The following KIRREL1 variants were observed in gnomAD, a reference collection of about 807,000 sequenced individuals.
KIRREL1 encodes kin of IRRE-like protein 1.
Under a neutral mutation model 83.3 loss-of-function variants are expected in KIRREL1, and 25 were observed. That is an observed-to-expected ratio of 0.30 (90% CI 0.22 to 0.42). The LOEUF (loss-of-function observed/expected upper bound fraction) is 0.42. KIRREL1 is among the 10% of genes least tolerant of loss of function. The pLI is 1.00. For missense variants in KIRREL1, 812 were observed against 1,032.3 expected (o/e 0.79, Z 2.92); for synonymous variants, 388 against 410.4 (o/e 0.95, Z 0.66).
intron 1 of KIRREL1, among the ~76,000 whole-genome samples, chr1:158,048,697 G>A (rs1660838424): frequency 6.6e-6 from 1 of 152,160 alleles, no homozygotes; most frequent in African/African-American, 2.4e-5. Flanking sequence ...ACAAGTCAGC[G>A]GTTCAAGGCA....
In KIRREL1 at chr1:158,084,500, G is replaced by A. The variant is rs1190528858; in HGVS notation, c.431G>A (p.Arg144Gln). Residue 144 changes from arginine (R) to glutamine (Q), a missense_variant, in exon 4 of 15, where the codon CGG becomes CAG. Around this residue, in one of 3 missense-constraint regions of KIRREL1, gnomAD observed 472 missense variants for 626.8 expected, o/e 0.75. Transcript: ENST00000359209. Reference sequence around the variant, plus strand: ...GGCACCCCCCACAACCTCACATGCCGGGCCTTCAATGCGAAGCCTGCTGCC... The same window carrying A: ...GGCACCCCCCACAACCTCACATGCCAGGCCTTCAATGCGAAGCCTGCTGCC... ...QAGTPHNLTC[R>Q]AFNAKPAATI... 6 of 1,551,638 alleles carry A rather than the reference G, an allele frequency of 3.9e-6. No homozygotes were observed. In the African/African-American group the frequency reaches 4.1e-5, roughly 11 times the overall value.
chr1:158,016,224 A>T (rs1659820813), intron 1 of KIRREL1, among the ~76,000 whole-genome samples: 1 of 152,040 alleles, frequency 6.6e-6, no homozygotes. Context: ...GAATGTTGTG[A>T]ACCCTGTAGG....
intron 2 of KIRREL1, among the ~76,000 whole-genome samples, 193 bp downstream of exon 2, chr1:158,076,455 C>T (rs1342005343): frequency 6.6e-6 from 1 of 152,222 alleles, no homozygotes; most frequent in African/African-American, 2.4e-5. Flanking sequence ...TTTCCTCCCA[C>T]TGAGGACTGA....
At chr1:158,086,784 T>A in intron 5 of KIRREL1, 38 bp downstream of exon 5, 9 of 1,227,186 alleles carry the variant, frequency 7.3e-6, no homozygotes, top group African/African-American at 1.5e-5. Flanking sequence ...AGCAGGGGGG[T>A]GGAAGAAGGG....
intron 8 of KIRREL1, among the ~76,000 whole-genome samples, chr1:158,088,736 G>C (rs1032274840): frequency 6.6e-6 from 1 of 151,838 alleles, no homozygotes; most frequent in Non-Finnish European, 1.5e-5. Context: ...CGCCCGCCTC[G>C]GCCTCCCAAA....
intron 1 of KIRREL1, among the ~76,000 whole-genome samples, chr1:158,001,093 A>AGAATCGACTAGG (rs1412659502): frequency 6.6e-6 from 1 of 152,246 alleles, no homozygotes; most frequent in Non-Finnish European, 1.5e-5. Flanking sequence ...GGTCCGCTTC[A>AGAATCGACTAGG]GAATCGACTA....
chr1:158,099,618 G>A lies in KIRREL1; in HGVS notation c.*4498G>A, dbSNP rs1373543087. 4 of 152,102 alleles carry A rather than the reference G, an allele frequency of 2.6e-5. No individual in the cohort carries two copies. In the East Asian group the frequency reaches 7.7e-4, roughly 29 times the overall value. The allele number at this position is 152,102 out of a possible 1,614,324, so 9.4% of individuals were successfully genotyped here. A position where few individuals can be genotyped will look rare whatever the true frequency, so the allele number is the denominator to read the frequency against. Reference sequence around the variant, plus strand: ...TCACAGGCCATACTGGGCAGTTCTGGTACAAACCTGCCCTTATTAATAATA... The same window carrying A: ...TCACAGGCCATACTGGGCAGTTCTGATACAAACCTGCCCTTATTAATAATA... On this transcript the variant is annotated 3_prime_UTR_variant, in exon 15 of 15. Coordinates refer to ENST00000359209, the MANE Select transcript of KIRREL1 (RefSeq NM_018240.7).
At chr1:158,086,842 T>C (rs1662031655) in intron 5 of KIRREL1, 96 bp downstream of exon 5, 3 of 1,174,428 alleles carry the variant, frequency 2.6e-6, no homozygotes, top group Admixed American at 4.1e-5. Context: ...AAACTAAGAG[T>C]CCCCCTATGG....
intron 1 of KIRREL1, among the ~76,000 whole-genome samples, chr1:158,028,320 A>G (rs1205562812): frequency 2.0e-5 from 3 of 152,228 alleles, no homozygotes; most frequent in Non-Finnish European, 4.4e-5. Context: ...CTGCCCTTGA[A>G]TAAACCCTCC....
intron 1 of KIRREL1, among the ~76,000 whole-genome samples, chr1:158,061,403 G>C (rs780816622): frequency 6.6e-6 from 1 of 152,276 alleles, no homozygotes. Flanking sequence ...CTATTCCTTG[G>C]GGGTGGGCAA....
intron 1 of KIRREL1, among the ~76,000 whole-genome samples, chr1:158,074,203 A>G (rs1661603542): frequency 6.6e-6 from 1 of 152,226 alleles, no homozygotes; most frequent in Admixed American, 6.5e-5. Flanking sequence ...ATGAAAGGTC[A>G]GGTCAGCAGA....
chr1:158,088,855 T>A (rs1274977250), intron 8 of KIRREL1, among the ~76,000 whole-genome samples: 2 of 152,020 alleles, frequency 1.3e-5, no homozygotes, highest in African/African-American at 2.4e-5. Flanking sequence ...GCTGCAGCAT[T>A]ATCTTTGAAC....
Position 158,089,537 on chromosome 1 carries a change from G to T in KIRREL1, c.1080G>T (p.Ser360=). The stretch of plus-strand genomic sequence containing the variant: ...ACAGCAACCAGCTGCTGCTGAAGTC[G>T]GTGACTCAGGCAGACGCTGGCACCT... ...LSNSNQLLLK[S]VTQADAGTYT... is the part of the protein sequence containing the mutation. The change falls in exon 9 of 15, where the codon TCG becomes TCT. Residue 360 remains serine, a synonymous_variant. Transcript: ENST00000359209. 1 of 1,614,166 alleles carries T rather than the reference G, an allele frequency of 6.2e-7. No homozygotes were observed. Among genetic ancestry groups the T allele is most frequent in the Non-Finnish European group, 8.5e-7 (1 of 1,180,024 alleles).
intron 1 of KIRREL1, among the ~76,000 whole-genome samples, chr1:158,008,845 TA>T (rs1418612658): frequency 6.6e-6 from 1 of 152,068 alleles, no homozygotes; most frequent in African/African-American, 2.4e-5. Context: ...TGGTTAGTTG[TA>T]AAGGTCATGT....
chr1:158,097,030 C>G lies in KIRREL1; in HGVS notation c.*1910C>G. The G allele has an allele frequency of 2.2e-6, 1 of 456,900 alleles. No homozygotes were observed. The highest frequency in any genetic ancestry group is 4.4e-6 in the Non-Finnish European group (1 of 227,020). 28.3% of individuals were successfully genotyped at this position (456,900 alleles called of 1,614,324 possible). A position where few individuals can be genotyped will look rare whatever the true frequency, so the allele number is the denominator to read the frequency against. On this transcript the variant is annotated 3_prime_UTR_variant, in exon 15 of 15. Coordinates refer to ENST00000359209, the MANE Select transcript of KIRREL1 (RefSeq NM_018240.7). ...GATAATACCCAGGAAGCAAGTAGCT[C>G]TAATTTTAACTTCACAGGAAGTCTG... is the stretch of plus-strand genomic sequence containing the variant.
chr1:158,083,296 C>T (rs912602802), intron 3 of KIRREL1, among the ~76,000 whole-genome samples: 8 of 152,120 alleles, frequency 5.3e-5, no homozygotes, highest in Non-Finnish European at 8.8e-5. Context: ...GGGCAGGGTT[C>T]GATAACTGTT....
intron 4 of KIRREL1, among the ~76,000 whole-genome samples, chr1:158,085,002 GT>G (rs1379573074): frequency 6.6e-6 from 1 of 152,204 alleles, no homozygotes; most frequent in Non-Finnish European, 1.5e-5. Context: ...CAGAGCGGGG[GT>G]TTGTACCTGG....
intron 1 of KIRREL1, among the ~76,000 whole-genome samples, chr1:158,006,941 C>T (rs1313183569): frequency 6.6e-6 from 1 of 152,168 alleles, no homozygotes; most frequent in Non-Finnish European, 1.5e-5. Context: ...TGTCCTTGTC[C>T]CGCCTTGCCA....
chr1:158,060,985 C>A (rs1244965959), intron 1 of KIRREL1, among the ~76,000 whole-genome samples: 1 of 152,170 alleles, frequency 6.6e-6, no homozygotes, highest in African/African-American at 2.4e-5. Flanking sequence ...CCTTCCATTT[C>A]AGAGAATTCT....
Sources: gnomAD v4.1 joint callset for allele counts (sites outside exome capture counted in the v4.1 genomes callset) on GRCh38, gnomAD v4.1.1 for gene constraint, gnomAD v4.1.1 regional missense constraint, MANE v1.5 for transcripts, NCBI Gene and HGNC (gene_info 2026-07-23, HGNC 2026-07-21) for gene names.